Variants in CHAF1A observed in about 807,000 individuals in gnomAD.
The protein encoded by CHAF1A is CAF-1 subunit A.
A neutral mutation model predicts 93.2 loss-of-function variants in CHAF1A; 5 were observed. The ratio of observed to expected loss-of-function variants is 0.05; its 90% CI spans 0.03 to 0.11. The LOEUF (loss-of-function observed/expected upper bound fraction) is 0.11, where lower values mean the gene tolerates loss of function less well. CHAF1A is among the 10% of genes least tolerant of loss of function. The pLI is 1.00. For missense variants in CHAF1A, 1,102 were observed against 1,259.9 expected (o/e 0.87, Z 1.90); for synonymous variants, 504 against 510.3 (o/e 0.99, Z 0.17).
rs564773501 is a variant in CHAF1A at position 4,436,981 on chromosome 19, C to G, written c.2673+3442C>G. Reference sequence around the variant, plus strand: ...GGAAAGAAGGGTGCACCCAGTTTAACTAGAGTGGGTCAGAGAGGTTGGGTG... The same window carrying G: ...GGAAAGAAGGGTGCACCCAGTTTAAGTAGAGTGGGTCAGAGAGGTTGGGTG... On this transcript the variant is annotated intron_variant, in intron 13 of 14. Coordinates refer to ENST00000301280, the MANE Select transcript of CHAF1A (RefSeq NM_005483.3). Among the ~76,000 whole-genome samples the G allele has an allele frequency of 2.6e-5, 4 of 152,330 alleles. No individual in the cohort carries two copies. The South Asian group carries it at 8.3e-4, about 32-fold the overall frequency.
At chr19:4,448,769 C>A, downstream of CHAF1A, 1 of 269,232 alleles carries the variant, frequency 3.7e-6, no homozygotes, top group Non-Finnish European at 7.3e-6. Flanking sequence ...CCGCCACTTA[C>A]AGAACCTCCC....
chr19:4,423,235 T>A, intron 5 of CHAF1A, 100 bp from the exon 6 acceptor site: 1 of 1,514,138 alleles, frequency 6.6e-7, no homozygotes, highest in Non-Finnish European at 8.9e-7. Flanking sequence ...ATTCATTTAA[T>A]GTAAAATGAA....
downstream of CHAF1A, chr19:4,448,355 G>A: frequency 6.2e-7 from 1 of 1,610,516 alleles, no homozygotes; most frequent in Non-Finnish European, 8.5e-7. Context: ...ACCCGGTCCT[G>A]GTCTTTGTTG....
chr19:4,450,055 T>G, the CHAF1A span: 2 of 150,390 alleles, frequency 1.3e-5, no homozygotes, highest in African/African-American at 4.9e-5. Flanking sequence ...TGGTGAAACC[T>G]CATCTCTAAA....
intron 3 of CHAF1A, among the ~76,000 whole-genome samples, chr19:4,412,557 A>G (rs1973825407): frequency 6.6e-6 from 1 of 152,150 alleles, no homozygotes; most frequent in Non-Finnish European, 1.5e-5. Context: ...GAAAAAAAAA[A>G]AGGACAGGAC....
rs759943075 is a variant in CHAF1A, at chr19:4,429,568, G to A, written c.1735G>A (p.Ala579Thr). 1 of 1,614,056 alleles carries A rather than the reference G, an allele frequency of 6.2e-7. No homozygotes were observed. Among genetic ancestry groups the A allele is most frequent in the Non-Finnish European group, 8.5e-7 (1 of 1,179,990 alleles). ...AYWGTWNKKTALIRARDPWAQ... is the reference protein window; with the variant it reads ...AYWGTWNKKTTLIRARDPWAQ... ...CTGGGGTACCTGGAATAAGAAGACG[G>A]CACTCATCCGCGCGCGAGACCCCTG... is the stretch of plus-strand genomic sequence containing the variant. The change falls in exon 9 of 15, where the codon GCA becomes ACA. Residue 579 changes from alanine to threonine, a missense_variant. By Grantham distance (58) the Ala-to-Thr change is moderately conservative (BLOSUM62 0). Coordinates refer to ENST00000301280, the MANE Select transcript of CHAF1A (RefSeq NM_005483.3).
intron 6 of CHAF1A, 58 bp downstream of exon 6, chr19:4,423,453 A>G: frequency 1.2e-6 from 2 of 1,609,174 alleles, no homozygotes; most frequent in Non-Finnish European, 8.5e-7. Flanking sequence ...CAGATGCCCA[A>G]AGTGGAATTC....
chr19:4,445,342 G>A, downstream of CHAF1A: 2 of 1,303,144 alleles, frequency 1.5e-6, no homozygotes, highest in Non-Finnish European at 2.1e-6. Context: ...CTGCCACGGG[G>A]CCCAATTCCA....
Position 4,422,705 on chromosome 19 carries a change from G to A in CHAF1A, c.1157G>A (p.Arg386Lys), listed in dbSNP as rs773787737. 1 of 1,607,896 alleles carries A rather than the reference G, an allele frequency of 6.2e-7. No individual in the cohort carries two copies. Among genetic ancestry groups the A allele is most frequent in the Non-Finnish European group, 8.5e-7 (1 of 1,176,604 alleles). The change falls in exon 5 of 15, where the codon AGG becomes AAG. Residue 386 changes from arginine to lysine, a missense_variant. Around this residue, in one of 6 missense-constraint regions of CHAF1A, gnomAD observed 165 missense variants for 243.9 expected, o/e 0.68. Transcript: ENST00000301280. This position sits in a 1 kb window ranked among gnomAD's most constrained non-coding sequence, Gnocchi z 4.6. Reference protein sequence around the residue: ...EEEKELKEKERREKREKDEKE... With the variant: ...EEEKELKEKEKREKREKDEKE... ...GAGAAGGAGCTTAAGGAAAAGGAGA[G>A]GCGGGAGAAGCGGGAGAAGGATGAG...
chr19:4,437,949 G>C (rs1457727445), intron 13 of CHAF1A, among the ~76,000 whole-genome samples: 1 of 152,072 alleles, frequency 6.6e-6, no homozygotes, highest in African/African-American at 2.4e-5. Flanking sequence ...CACTGTGTTA[G>C]CCAGGATGGT....
At chr19:4,413,271 C>T (rs372612582) in intron 3 of CHAF1A, among the ~76,000 whole-genome samples, 16 of 152,168 alleles carry the variant, frequency 1.1e-4, no homozygotes, top group South Asian at 4.1e-4. Context: ...GGGGTTTCAC[C>T]GTGTTGGACA....
downstream of CHAF1A, among the ~76,000 whole-genome samples, chr19:4,443,820 G>A (rs1026935133): frequency 2.6e-5 from 4 of 152,164 alleles, no homozygotes; most frequent in Admixed American, 1.3e-4. Flanking sequence ...CACACTGTCC[G>A]AGGGAGGACA....
At chr19:4,409,901 C>T in intron 3 of CHAF1A, 142 bp downstream of exon 3, 3 of 915,964 alleles carry the variant, frequency 3.3e-6, no homozygotes, top group Admixed American at 2.8e-5. Flanking sequence ...TGGAGTTCTT[C>T]CTGGTATCAA....
At chr19:4,424,683 GCAGTA>G (rs1159994429) in intron 7 of CHAF1A, among the ~76,000 whole-genome samples, 1 of 152,106 alleles carries the variant, frequency 6.6e-6, no homozygotes, top group Non-Finnish European at 1.5e-5. Context: ...CACCCAGGCT[GCAGTA>G]CAGTGGTGCG....
At chr19:4,446,724 A>G, downstream of CHAF1A, 15 of 1,608,596 alleles carry the variant, frequency 9.3e-6, no homozygotes, top group Non-Finnish European at 1.2e-5. Flanking sequence ...GGTCCTCTAC[A>G]GCGTGGCAGG....
At chr19:4,404,018 A>T (rs561913193) in intron 1 of CHAF1A, among the ~76,000 whole-genome samples, 5 of 151,366 alleles carry the variant, frequency 3.3e-5, no homozygotes, top group African/African-American at 1.2e-4. Flanking sequence ...ACGGGGTTTC[A>T]CCATGTTGGG....
Position 4,429,573 on chromosome 19 carries a change from C to T in CHAF1A, c.1740C>T (p.Leu580=). 1 of 1,614,104 alleles carries T rather than the reference C, an allele frequency of 6.2e-7. No individual in the cohort carries two copies. Among genetic ancestry groups the T allele is most frequent in the South Asian group, 1.1e-5 (1 of 91,078 alleles). Residue 580 remains leucine, a synonymous_variant, in exon 9 of 15, where the codon CTC becomes CTT. Transcript: ENST00000301280. ...YWGTWNKKTA[L]IRARDPWAQD... is the part of the protein sequence containing the mutation. ...GTACCTGGAATAAGAAGACGGCACT[C>T]ATCCGCGCGCGAGACCCCTGGGCCC... is the stretch of plus-strand genomic sequence containing the variant.
intron 7 of CHAF1A, among the ~76,000 whole-genome samples, chr19:4,425,545 CTG>C (rs750983337): frequency 1.4e-4 from 22 of 152,192 alleles, no homozygotes; most frequent in Non-Finnish European, 2.6e-4. Flanking sequence ...CTGGGTCTCA[CTG>C]TGTTGCCAGG....
At position 4,418,058 on chromosome 19, in the gene CHAF1A, C is replaced by G. The variant is rs1973926785; in HGVS notation, c.999C>G (p.Asn333Lys). The change falls in exon 4 of 15, where the codon AAC (asparagine) becomes AAG (lysine). Residue 333 changes from asparagine to lysine, a missense_variant. Around this residue, in one of 6 missense-constraint regions of CHAF1A, gnomAD observed 379 missense variants for 365.7 expected, o/e 1.04. Coordinates refer to ENST00000301280, the MANE Select transcript of CHAF1A (RefSeq NM_005483.3). The stretch of plus-strand genomic sequence containing the variant: ...TCGTCAAAGGCTCTACAGAGAAGAA[C>G]AAGCTCAGACTGCAAAGAGTAAGAC... ...KKFVKGSTEK[N>K]KLRLQRDQER... The G allele has an allele frequency of 1.2e-6, 2 of 1,605,060 alleles. No individual in the cohort carries two copies. Among genetic ancestry groups the G allele is most frequent in the South Asian group, 1.1e-5 (1 of 88,872 alleles).
Sources: allele counts gnomAD v4.1 joint callset (sites outside exome capture counted in the v4.1 genomes callset), GRCh38; gene constraint gnomAD v4.1.1; regional missense constraint gnomAD v4.1.1; non-coding constraint Gnocchi (gnomAD v3.1); transcripts MANE v1.5; gene names NCBI Gene and HGNC (gene_info 2026-07-23, HGNC 2026-07-21).